FILIP1: variants seen among roughly 807,000 people sequenced by gnomAD.
FILIP1 encodes filamin-A-interacting protein 1.
A neutral mutation model predicts 102.1 loss-of-function variants in FILIP1; 61 were observed. The observed-to-expected ratio is 0.60, with a 90% CI of 0.49 to 0.74. FILIP1 has a LOEUF of 0.74. Ranked by LOEUF, FILIP1 falls within the 30% of genes least tolerant of loss-of-function variation. The pLI is 0.00. For synonymous variants in FILIP1, 491 were observed against 526.9 expected (o/e 0.93, Z 0.93); for missense variants, 1,314 against 1,441.2 (o/e 0.91, Z 1.43).
chr6:75,491,156 C>T (rs888888487), intron 1 of FILIP1, among the ~76,000 whole-genome samples: 6 of 152,048 alleles, frequency 3.9e-5, no homozygotes, highest in Admixed American at 1.3e-4. Context: ...AGTGGAAGAC[C>T]CTGATCTGGG....
Position 75,362,842 on chromosome 6 carries a change from C to A in FILIP1, c.352G>T (p.Ala118Ser). 6.2e-7 allele frequency: 1 copy of A among 1,614,024 alleles called. No homozygotes were observed. Among genetic ancestry groups the A allele is most frequent in the Non-Finnish European group, 8.5e-7 (1 of 1,180,012 alleles). The change falls in exon 3 of 6, where the codon GCG (alanine) becomes TCG (serine). Residue 118 changes from alanine (A) to serine (S), a missense_variant. Ala to Ser is a moderately conservative substitution (Grantham distance 99). This residue lies in a region of FILIP1 where 494 missense variants were observed against 511.2 expected (regional missense o/e 0.97). Coordinates refer to ENST00000237172, the MANE Select transcript of FILIP1 (RefSeq NM_015687.5). ...PEVLEAHYGSAEPEKVLRVLH... is the reference protein window; with the variant it reads ...PEVLEAHYGSSEPEKVLRVLH... Reference sequence around the variant, plus strand: ...ACCCGCAGCACTTTCTCTGGCTCCGCAGACCCGTAATGAGCCTCCAGAACC... The same window carrying A: ...ACCCGCAGCACTTTCTCTGGCTCCGAAGACCCGTAATGAGCCTCCAGAACC...
At chr6:75,315,375 A>G (rs1773408913) in intron 4 of FILIP1, among the ~76,000 whole-genome samples, 173 bp from the exon 5 acceptor site, 1 of 152,138 alleles carries the variant, frequency 6.6e-6, no homozygotes, top group Non-Finnish European at 1.5e-5. Context: ...AATATTAGTT[A>G]CCCTTAGGGG....
intron 1 of FILIP1, among the ~76,000 whole-genome samples, chr6:75,470,387 T>C (rs1413118870): frequency 2.0e-5 from 3 of 152,144 alleles, no homozygotes; most frequent in Admixed American, 1.3e-4. Flanking sequence ...TTATAGAAAG[T>C]ATAGTCAATA....
chr6:75,492,621 T>C (rs1421232858), intron 1 of FILIP1, among the ~76,000 whole-genome samples: 1 of 152,152 alleles, frequency 6.6e-6, no homozygotes, highest in East Asian at 1.9e-4. Context: ...CAAGATGCCA[T>C]CAGCTGAAAG....
intron 1 of FILIP1, among the ~76,000 whole-genome samples, chr6:75,417,563 T>C (rs1777308970): frequency 6.6e-6 from 1 of 152,220 alleles, no homozygotes; most frequent in Non-Finnish European, 1.5e-5. Flanking sequence ...TAGTGACATT[T>C]ATACTCTTCA....
intron 4 of FILIP1, among the ~76,000 whole-genome samples, chr6:75,347,359 G>A (rs1354723263): frequency 2.1e-4 from 32 of 152,196 alleles, no homozygotes; most frequent in Admixed American, 2.1e-3. Context: ...GTCAATAAAA[G>A]TTAACTTTGC....
At chr6:75,380,330 AG>A (rs1775873341) in intron 2 of FILIP1, among the ~76,000 whole-genome samples, 1 of 136,722 alleles carries the variant, frequency 7.3e-6, no homozygotes, top group South Asian at 2.1e-4. Context: ...AATGCCTGAA[AG>A]GTATAAATAG....
At chr6:75,322,664 G>T (rs996195527) in intron 4 of FILIP1, among the ~76,000 whole-genome samples, 3 of 152,120 alleles carry the variant, frequency 2.0e-5, no homozygotes, top group Non-Finnish European at 4.4e-5. Context: ...ATTCTTAAAT[G>T]TATTCTTAAT....
intron 4 of FILIP1, among the ~76,000 whole-genome samples, chr6:75,323,187 A>T (rs1048519383): frequency 1.3e-5 from 2 of 152,150 alleles, no homozygotes; most frequent in African/African-American, 4.8e-5. Context: ...TTGGATTAAA[A>T]ACCCAGGTAA....
intron 1 of FILIP1, among the ~76,000 whole-genome samples, chr6:75,440,161 T>C (rs542256959): frequency 1.3e-5 from 2 of 152,324 alleles, no homozygotes; most frequent in East Asian, 3.9e-4. Flanking sequence ...TGAAAATCCA[T>C]CACGGGCTCT....
At chr6:75,307,528 G>A (rs1773025463), downstream of FILIP1, among the ~76,000 whole-genome samples, 1 of 152,146 alleles carries the variant, frequency 6.6e-6, no homozygotes, top group Admixed American at 6.5e-5. Flanking sequence ...TAAGCTGTGG[G>A]TTACTAGCCT....
At chr6:75,470,097 G>C (rs559997298) in intron 1 of FILIP1, among the ~76,000 whole-genome samples, 17 of 152,164 alleles carry the variant, frequency 1.1e-4, no homozygotes, top group Non-Finnish European at 2.4e-4. Flanking sequence ...ATAGTAAGTT[G>C]TATAAATGTT....
chr6:75,491,377 G>A (rs919204723), intron 1 of FILIP1, among the ~76,000 whole-genome samples: 1 of 152,160 alleles, frequency 6.6e-6, no homozygotes, highest in African/African-American at 2.4e-5. Flanking sequence ...CCAGATGATG[G>A]AAGGTTTTCA....
rs1369273131 is a variant in FILIP1, at chr6:75,416,113, T to C, written c.-6-1135A>G. Reference sequence around the variant, plus strand: ...TTTTCATCACTAATTCCAGATAAAATATAGGGACTTTGTTATATGAAAGTA... The same window carrying C: ...TTTTCATCACTAATTCCAGATAAAACATAGGGACTTTGTTATATGAAAGTA... On this transcript the variant is annotated intron_variant, in intron 1 of 5. Coordinates refer to ENST00000237172, the MANE Select transcript of FILIP1 (RefSeq NM_015687.5). 3.3e-5 allele frequency among the ~76,000 whole-genome samples: 5 copies of C among 152,094 alleles called. No individual in the cohort carries two copies. In the East Asian group the frequency reaches 9.6e-4, roughly 29 times the overall value.
chr6:75,392,165 T>A (rs1422710937), intron 2 of FILIP1, among the ~76,000 whole-genome samples: 1 of 152,138 alleles, frequency 6.6e-6, no homozygotes, highest in Non-Finnish European at 1.5e-5. Flanking sequence ...ATCCTCCCAG[T>A]CTCTCAGTGC....
intron 4 of FILIP1, among the ~76,000 whole-genome samples, chr6:75,340,861 ATTTTTTTTTTT>A (rs59666589): frequency 3.2e-5 from 3 of 94,308 alleles, no homozygotes; most frequent in Admixed American, 2.5e-4. Context: ...ATGCTCAGGA[ATTTTTTTTTTT>A]TTTTTTTTTT....
At chr6:75,294,845 A>G (rs1772628727) in exon 7 of FILIP1, 2 of 147,998 alleles carry the variant, frequency 1.4e-5, no homozygotes, top group African/African-American at 5.0e-5. Context: ...GGCACGTGCA[A>G]TCAGGCCCAG....
At chr6:75,393,688 T>C (rs1404723200) in intron 2 of FILIP1, among the ~76,000 whole-genome samples, 1 of 152,214 alleles carries the variant, frequency 6.6e-6, no homozygotes, top group Non-Finnish European at 1.5e-5. Flanking sequence ...GTTCAATTAA[T>C]GGTTGTTAAC....
At chr6:75,309,886 A>G (rs1322790132) in intron 5 of FILIP1, among the ~76,000 whole-genome samples, 2 of 152,222 alleles carry the variant, frequency 1.3e-5, no homozygotes, top group African/African-American at 2.4e-5. Context: ...AGAGAATTGC[A>G]ACAGCATCCC....
Sources: allele counts gnomAD v4.1 joint callset (sites outside exome capture counted in the v4.1 genomes callset), GRCh38; gene constraint gnomAD v4.1.1; regional missense constraint gnomAD v4.1.1; transcripts MANE v1.5; gene names NCBI Gene and HGNC (gene_info 2026-07-23, HGNC 2026-07-21).